Variants in WDPCP observed in about 807,000 individuals in gnomAD.
WDPCP encodes WD repeat-containing and planar cell polarity effector protein fritz homolog.
In WDPCP, 71 loss-of-function variants were observed where a neutral mutation model predicts 93.1. That is an observed-to-expected ratio of 0.76 (90% CI 0.63 to 0.93). WDPCP has a LOEUF of 0.93. Among genes scored for constraint, WDPCP ranks in the 40% least tolerant of loss-of-function variants. The pLI is 0.00. For missense variants in WDPCP, 844 were observed against 887.4 expected (o/e 0.95, Z 0.62); for synonymous variants, 315 against 315.0 (o/e 1.00, Z 0.00).
intron 7 of WDPCP, 180 bp from the exon 8 acceptor site, chr2:63,437,734 C>T: frequency 1.8e-6 from 2 of 1,086,584 alleles, no homozygotes; most frequent in Middle Eastern, 2.2e-4. Context: ...CAATAATTGT[C>T]AATCTAATCA....
intron 14 of WDPCP, among the ~76,000 whole-genome samples, chr2:63,236,537 A>G (rs1396717261): frequency 6.6e-6 from 1 of 152,216 alleles, no homozygotes; most frequent in Admixed American, 6.5e-5. Context: ...CTAAGCAAAA[A>G]GAATAAAGCT....
chr2:63,239,091 C>G (rs1015475097), intron 14 of WDPCP, among the ~76,000 whole-genome samples: 7 of 152,178 alleles, frequency 4.6e-5, no homozygotes, highest in African/African-American at 1.7e-4. Flanking sequence ...CATCTATATT[C>G]TTGAAAGATA....
chr2:63,612,652 C>G (rs528744247), intron 3 of WDPCP, among the ~76,000 whole-genome samples: 21 of 152,268 alleles, frequency 1.4e-4, no homozygotes, highest in African/African-American at 4.3e-4. Context: ...AGCTTAAAAC[C>G]TTTTCCTTTG....
chr2:63,296,971 C>A (rs890166823), intron 13 of WDPCP, among the ~76,000 whole-genome samples: 1 of 152,014 alleles, frequency 6.6e-6, no homozygotes, highest in African/African-American at 2.4e-5. Flanking sequence ...AAAAAAGAGC[C>A]CAAATAGCCA....
chr2:63,705,153 G>A (rs1214522508), intron 2 of WDPCP, among the ~76,000 whole-genome samples: 4 of 151,850 alleles, frequency 2.6e-5, no homozygotes, highest in Non-Finnish European at 5.9e-5. Context: ...TATCCCCTTT[G>A]TCATTTTTTA....
chr2:63,256,391 T>G (rs1049004136), intron 14 of WDPCP, among the ~76,000 whole-genome samples: 4 of 152,116 alleles, frequency 2.6e-5, no homozygotes, highest in African/African-American at 9.7e-5. Flanking sequence ...CTGTCACATA[T>G]ACAAAATTAC....
At chr2:63,485,670 ATAAAT>A (rs1191176689) in intron 4 of WDPCP, among the ~76,000 whole-genome samples, 5 of 151,914 alleles carry the variant, frequency 3.3e-5, no homozygotes, top group Non-Finnish European at 7.4e-5. Context: ...TTAGCCTAAA[ATAAAT>A]TAAAAATAGT....
chr2:63,527,816 A>G (rs951620997), intron 1 of WDPCP, among the ~76,000 whole-genome samples: 3 of 152,064 alleles, frequency 2.0e-5, no homozygotes, highest in Non-Finnish European at 4.4e-5. Context: ...CAGTGGTTGA[A>G]CTAGTTTACA....
At chr2:63,700,976 T>C (rs1669040072) in intron 2 of WDPCP, among the ~76,000 whole-genome samples, 1 of 152,170 alleles carries the variant, frequency 6.6e-6, no homozygotes, top group African/African-American at 2.4e-5. Flanking sequence ...ATTTTTGGTG[T>C]AAGACTTCAA....
At chr2:63,597,328 T>C (rs749714678) in intron 3 of WDPCP, 368 of 1,305,826 alleles carry the variant, frequency 2.8e-4, no homozygotes, top group Admixed American at 6.4e-4. Context: ...AATGGGTAGA[T>C]TCAATATGAA....
chr2:63,130,642 T>G (rs145389001), intron 17 of WDPCP, among the ~76,000 whole-genome samples: 663 of 152,204 alleles, frequency 4.4e-3, no homozygotes, highest in African/African-American at 0.013. Flanking sequence ...TTTTTTCTAT[T>G]TCTGCAAAGA....
intron 3 of WDPCP, among the ~76,000 whole-genome samples, chr2:63,629,269 AC>A (rs1220571311): frequency 6.6e-6 from 1 of 152,184 alleles, no homozygotes; most frequent in Non-Finnish European, 1.5e-5. Flanking sequence ...AAGAACTGTA[AC>A]CCCATCTTAG....
Position 63,433,833 on chromosome 2 carries a change from T to C in WDPCP, c.737A>G (p.Asn246Ser). 1 of 1,614,032 alleles carries C rather than the reference T, an allele frequency of 6.2e-7. No individual in the cohort carries two copies. Among genetic ancestry groups the C allele is most frequent in the Non-Finnish European group, 8.5e-7 (1 of 1,179,950 alleles). Residue 246 changes from asparagine to serine, a missense_variant, in exon 9 of 18, where the codon AAC (asparagine) becomes AGC (serine). Asn to Ser is a conservative substitution (Grantham distance 46). Transcript: ENST00000272321. ...GGGGGCCCAAGGCCAAGCATCATCG[T>C]TGACCAGTGGCCACCAGCAAACAAC... ...DRVVCWWPLV[N>S]DDAWPWAPIS... is the part of the protein sequence containing the mutation.
chr2:63,489,003 T>C (rs1365381525), intron 2 of WDPCP, among the ~76,000 whole-genome samples: 1 of 151,950 alleles, frequency 6.6e-6, no homozygotes, highest in Admixed American at 6.6e-5. Context: ...CATGGTGTGT[T>C]AGAACTCCAG....
chr2:63,645,252 T>C (rs262478), intron 3 of WDPCP, among the ~76,000 whole-genome samples: 123,697 of 152,190 alleles, frequency 0.81, 51,066 homozygotes, highest in East Asian at 0.98. Flanking sequence ...CTAATTTCTT[T>C]ATTCACACGC....
At chr2:63,223,591 A>G (rs1678020644) in intron 14 of WDPCP, among the ~76,000 whole-genome samples, 1 of 152,106 alleles carries the variant, frequency 6.6e-6, no homozygotes, top group Non-Finnish European at 1.5e-5. Flanking sequence ...AAGACTCACT[A>G]CAATTGTGGC....
intron 2 of WDPCP, among the ~76,000 whole-genome samples, chr2:63,784,020 G>A (rs1439310806): frequency 6.6e-6 from 1 of 152,152 alleles, no homozygotes; most frequent in African/African-American, 2.4e-5. Flanking sequence ...TTTTGTTTGT[G>A]TAACCTTTAT....
intron 14 of WDPCP, among the ~76,000 whole-genome samples, chr2:63,179,777 T>C (rs1574812201): frequency 6.6e-6 from 1 of 152,162 alleles, no homozygotes; most frequent in South Asian, 2.1e-4. Flanking sequence ...TAAGAGTGCA[T>C]TGCTTAATTT....
At chr2:63,302,940 C>T (rs1170326830) in intron 13 of WDPCP, among the ~76,000 whole-genome samples, 1 of 152,188 alleles carries the variant, frequency 6.6e-6, no homozygotes, top group African/African-American at 2.4e-5. Context: ...TGCCATTTTA[C>T]AATGGTGACT....
Sources: gnomAD v4.1 joint callset for allele counts (sites outside exome capture counted in the v4.1 genomes callset) on GRCh38, gnomAD v4.1.1 for gene constraint, MANE v1.5 for transcripts, NCBI Gene and HGNC (gene_info 2026-07-23, HGNC 2026-07-21) for gene names.